NUDT3: variants seen among roughly 807,000 people sequenced by gnomAD.
NUDT3 encodes the protein nudix hydrolase 3.
Under a neutral mutation model 23.6 loss-of-function variants are expected in NUDT3, and 9 were observed. The observed-to-expected ratio is 0.38, with a 90% CI of 0.23 to 0.66. The LOEUF (loss-of-function observed/expected upper bound fraction) is 0.66. Among genes scored for constraint, NUDT3 ranks in the 30% least tolerant of loss-of-function variants. The pLI, the probability that NUDT3 is intolerant of heterozygous loss-of-function variation, is 0.52. For synonymous variants in NUDT3, 86 were observed against 82.6 expected (o/e 1.04, Z -0.22); for missense variants, 172 against 218.5 (o/e 0.79, Z 1.34).
rs1456187570 is a variant in NUDT3 at position 34,293,451 on chromosome 6, CA to C, written c.339del (p.Ile113MetfsTer10). The stretch of plus-strand genomic sequence containing the variant: ...TCCAGGCTGTCTGGAGATGGCTTAC[CA>C]ATGTTAACTGAATCTTCCCAGTCTT... ...VLEDWEDSVN[I>X]GRKREWFKIE... On this transcript the variant is annotated frameshift_variant and splice_region_variant, in exon 4 of 5. Coordinates refer to ENST00000607016, the MANE Select transcript of NUDT3 (RefSeq NM_006703.4). LOFTEE classifies it high-confidence loss of function. 3 of 1,614,112 alleles carry C rather than the reference CA, an allele frequency of 1.9e-6. No individual in the cohort carries two copies.
At chr6:34,335,002 A>G (rs957183312) in intron 2 of NUDT3, among the ~76,000 whole-genome samples, 6 of 151,866 alleles carry the variant, frequency 4.0e-5, no homozygotes, top group African/African-American at 1.5e-4. Context: ...GAGAGAGAGG[A>G]AGGAAGGAAG....
At chr6:34,294,192 G>C (rs1394411732) in intron 3 of NUDT3, among the ~76,000 whole-genome samples, 6 of 151,778 alleles carry the variant, frequency 4.0e-5, no homozygotes. Context: ...CACCATGTTG[G>C]CCAGGCTGGT....
chr6:34,292,962 T>C (rs1306037368), intron 4 of NUDT3, among the ~76,000 whole-genome samples: 1 of 152,252 alleles, frequency 6.6e-6, no homozygotes, highest in Admixed American at 6.5e-5. Flanking sequence ...TCAGATTCCA[T>C]TTAAACATTT....
At chr6:34,289,737 AGTCT>A (rs1405808886) in intron 4 of NUDT3, among the ~76,000 whole-genome samples, 3 of 152,214 alleles carry the variant, frequency 2.0e-5, no homozygotes, top group Admixed American at 6.5e-5. Flanking sequence ...TTTATTTTTC[AGTCT>A]ATTTTCTTAC....
rs1252317095 is a variant in NUDT3 at position 34,284,531 on chromosome 6, TG to T, written c.*4221del. The T allele has an allele frequency of 5.6e-5, 8 of 142,042 alleles. No individual in the cohort carries two copies. Among genetic ancestry groups the T allele is most frequent in the African/African-American group, 1.8e-4 (7 of 38,576 alleles). The allele number at this position is 142,042 out of a possible 1,614,324, so 8.8% of individuals were successfully genotyped here. A position where few individuals can be genotyped will look rare whatever the true frequency, so the allele number is the denominator to read the frequency against. On this transcript the variant is annotated 3_prime_UTR_variant, in exon 5 of 5. Transcript: ENST00000607016. ...AAAGTGAATGTGGCTTAGGCTAAGC[TG>T]TTTTTTTTTTTTTTTTTTTAAAGAT...
intron 2 of NUDT3, among the ~76,000 whole-genome samples, chr6:34,330,922 T>A (rs1764118073): frequency 6.6e-6 from 1 of 152,250 alleles, no homozygotes; most frequent in African/African-American, 2.4e-5. Context: ...TGGCACGATC[T>A]TGGCTCACTG....
intron 1 of NUDT3, among the ~76,000 whole-genome samples, chr6:34,356,261 A>T (rs889323516): frequency 1.3e-5 from 2 of 152,188 alleles, no homozygotes; most frequent in African/African-American, 4.8e-5. Flanking sequence ...TAAAAATTAC[A>T]TTTAAAAAAG....
chr6:34,360,962 C>CTTA (rs371136795), intron 1 of NUDT3, among the ~76,000 whole-genome samples: 7 of 152,296 alleles, frequency 4.6e-5, no homozygotes, highest in Middle Eastern at 3.4e-3. Flanking sequence ...GTAGCTCATA[C>CTTA]TTATAATCCT....
At chr6:34,392,029 C>A (rs1417927841) in intron 1 of NUDT3, among the ~76,000 whole-genome samples, 1 of 152,206 alleles carries the variant, frequency 6.6e-6, no homozygotes, top group Non-Finnish European at 1.5e-5. Flanking sequence ...GGCCACAAGC[C>A]GGCTACCCCC....
chr6:34,302,798 TA>T (rs1177327842), intron 2 of NUDT3, among the ~76,000 whole-genome samples: 2 of 152,190 alleles, frequency 1.3e-5, no homozygotes, highest in Non-Finnish European at 2.9e-5. Context: ...TACAGTCACA[TA>T]TCTTTTCTAA....
In NUDT3 at chr6:34,285,043, C is replaced by T. The variant is rs532299182; in HGVS notation, c.*3710G>A. On this transcript the variant is annotated 3_prime_UTR_variant, in exon 5 of 5. Transcript: ENST00000607016. ...GGAAATCCTGCTGTGACGCCACCCT[C>T]GAGACCTTCTGCAGCCTGAGAGGGG... is the stretch of plus-strand genomic sequence containing the variant. 3.3e-5 allele frequency: 5 copies of T among 152,312 alleles called. No individual in the cohort carries two copies. The highest frequency in any genetic ancestry group is 2.1e-4 in the South Asian group (1 of 4,814). The allele number at this position is 152,312 out of a possible 1,614,324, so 9.4% of individuals were successfully genotyped here. A position where few individuals can be genotyped will look rare whatever the true frequency, so the allele number is the denominator to read the frequency against.
At chr6:34,392,171 G>A (rs1045450613) in intron 1 of NUDT3, 93 bp downstream of exon 1, 3 of 955,606 alleles carry the variant, frequency 3.1e-6, no homozygotes, top group Non-Finnish European at 4.6e-6. Context: ...GGGCGGCCCT[G>A]GCACACCCTC....
At position 34,329,484 on chromosome 6, in the gene NUDT3, T is replaced by G. The variant is rs1295064914; in HGVS notation, c.210+12378A>C. 2.6e-5 allele frequency among the ~76,000 whole-genome samples: 4 copies of G among 152,218 alleles called. No individual in the cohort carries two copies. The East Asian group carries it at 7.7e-4, about 29-fold the overall frequency. On this transcript the variant is annotated intron_variant, in intron 2 of 4. Transcript: ENST00000607016. Reference sequence around the variant, plus strand: ...TTAGTAGAGATGGGGTTTCACCATGTTGGCCAGGCTGGTCACGAACTCCTG... The same window carrying G: ...TTAGTAGAGATGGGGTTTCACCATGGTGGCCAGGCTGGTCACGAACTCCTG...
intron 2 of NUDT3, 56 bp downstream of exon 2, chr6:34,341,806 A>C: frequency 1.3e-6 from 2 of 1,518,724 alleles, no homozygotes; most frequent in East Asian, 4.5e-5. Context: ...AACTACACAG[A>C]TAGGACAGGT....
Position 34,280,899 on chromosome 6 carries a change from T to C in NUDT3, c.*7854A>G, listed in dbSNP as rs1763272246. 6.6e-6 allele frequency: 1 copy of C among 152,184 alleles called. No homozygotes were observed. Among genetic ancestry groups the C allele is most frequent in the Non-Finnish European group, 1.5e-5 (1 of 68,022 alleles). 9.4% of individuals were successfully genotyped at this position (152,184 alleles called of 1,614,324 possible). A position where few individuals can be genotyped will look rare whatever the true frequency, so the allele number is the denominator to read the frequency against. The stretch of plus-strand genomic sequence containing the variant: ...TCAACTTGGCCATTTACGCCTCAGC[T>C]AAAACATATGAGCATGAGGGAAAAG... On this transcript the variant is annotated 3_prime_UTR_variant, in exon 5 of 5. Coordinates refer to ENST00000607016, the MANE Select transcript of NUDT3 (RefSeq NM_006703.4).
chr6:34,348,061 G>A (rs1285569830), intron 1 of NUDT3, among the ~76,000 whole-genome samples: 4 of 152,018 alleles, frequency 2.6e-5, no homozygotes, highest in Non-Finnish European at 4.4e-5. Flanking sequence ...CACTTTGGGA[G>A]GCTGAGGCGG....
At chr6:34,308,120 A>C (rs1243270760) in intron 2 of NUDT3, among the ~76,000 whole-genome samples, 3 of 8,218 alleles carry the variant, frequency 3.7e-4, no homozygotes, top group Non-Finnish European at 1.2e-3. Context: ...ACTCTGTCTC[A>C]AAAAAAAAAA....
intron 2 of NUDT3, among the ~76,000 whole-genome samples, chr6:34,314,197 T>TG (rs1763823353): frequency 6.7e-6 from 1 of 150,356 alleles, no homozygotes; most frequent in Non-Finnish European, 1.5e-5. Context: ...CCAAGGCGGG[T>TG]GGATCACTTG....
chr6:34,353,559 A>G lies in NUDT3; in HGVS notation c.100-11587T>C, dbSNP rs184698890. On this transcript the variant is annotated intron_variant, in intron 1 of 4. Transcript: ENST00000607016. ...TGGGATTAAAGGTGCGTGCCATCACATCCAGCTAATTTTTCTATTTTTTTG... is the reference window on the plus strand; with the variant it reads ...TGGGATTAAAGGTGCGTGCCATCACGTCCAGCTAATTTTTCTATTTTTTTG... Among the ~76,000 whole-genome samples, 15 of 151,812 alleles carry G rather than the reference A, an allele frequency of 9.9e-5. 1 individual carries two copies. The highest frequency in any genetic ancestry group is 2.0e-4 in the Admixed American group (3 of 15,222).
Sources: gnomAD v4.1 joint callset for allele counts (sites outside exome capture counted in the v4.1 genomes callset) on GRCh38, gnomAD v4.1.1 for gene constraint, MANE v1.5 for transcripts, NCBI Gene and HGNC (gene_info 2026-07-23, HGNC 2026-07-21) for gene names.